The following CHST11 variants were observed in gnomAD, a reference collection of about 807,000 sequenced individuals.
CHST11 encodes C4S-1.
In CHST11, 9 loss-of-function variants were observed where a neutral mutation model predicts 30.4. That is an observed-to-expected ratio of 0.30 (90% CI 0.18 to 0.52). The LOEUF is 0.52. Among genes scored for constraint, CHST11 ranks in the 20% least tolerant of loss-of-function variants. The probability of loss-of-function intolerance (pLI) is 0.97; values close to 1 mark genes in which losing one functional copy is unlikely to be tolerated. For synonymous variants in CHST11, 152 were observed against 187.8 expected (o/e 0.81, Z 1.56); for missense variants, 348 against 460.6 (o/e 0.76, Z 2.24).
At chr12:104,640,840 G>T (rs1471640700) in intron 2 of CHST11, among the ~76,000 whole-genome samples, 1 of 152,138 alleles carries the variant, frequency 6.6e-6, no homozygotes, top group African/African-American at 2.4e-5. Flanking sequence ...AAGAGGGTTG[G>T]TCCCCAGCGA....
At chr12:104,536,236 CT>C (rs1346882880) in intron 1 of CHST11, among the ~76,000 whole-genome samples, 6 of 152,158 alleles carry the variant, frequency 3.9e-5, no homozygotes, top group African/African-American at 1.2e-4. Flanking sequence ...TGCTCAAACC[CT>C]TTCAAGACAA....
At chr12:104,483,243 T>C (rs958205026) in intron 1 of CHST11, among the ~76,000 whole-genome samples, 1 of 152,148 alleles carries the variant, frequency 6.6e-6, no homozygotes, top group Admixed American at 6.5e-5. Flanking sequence ...TCTTGCTCTG[T>C]CGCCCAGACT....
chr12:104,547,320 A>T lies in CHST11; in HGVS notation c.119-54586A>T, dbSNP rs113879018. Among the ~76,000 whole-genome samples the T allele has an allele frequency of 3.6e-3, 555 of 152,282 alleles. 1 individual carries two copies. Among genetic ancestry groups the T allele is most frequent in the Non-Finnish European group, 5.6e-3 (383 of 68,004 alleles). On this transcript the variant is annotated intron_variant, in intron 1 of 2. Coordinates refer to ENST00000303694, the MANE Select transcript of CHST11 (RefSeq NM_018413.6). ...CAAGTCTTCAGGTTTTCAAGTGGGT[A>T]ATTAGAACAGGAAGGAGCCAAACAC...
intron 2 of CHST11, among the ~76,000 whole-genome samples, chr12:104,750,428 CTTTTTTTT>C (rs10659007): frequency 2.3e-4 from 11 of 48,826 alleles, no homozygotes; most frequent in South Asian, 8.8e-4. Context: ...TATTTCTGCA[CTTTTTTTT>C]TTTTTTTTTT....
At chr12:104,692,753 A>G (rs1190080788) in intron 2 of CHST11, among the ~76,000 whole-genome samples, 1 of 152,076 alleles carries the variant, frequency 6.6e-6, no homozygotes, top group African/African-American at 2.4e-5. Flanking sequence ...CACAAACCCT[A>G]TTGTGAATTG....
At chr12:104,748,160 G>A (rs1477633127) in intron 2 of CHST11, among the ~76,000 whole-genome samples, 3 of 152,290 alleles carry the variant, frequency 2.0e-5, no homozygotes, top group East Asian at 1.9e-4. Context: ...TTGGAGGCTG[G>A]GGCTGGGGGT....
chr12:104,647,735 C>T (rs532768707), intron 2 of CHST11, among the ~76,000 whole-genome samples: 1 of 152,272 alleles, frequency 6.6e-6, no homozygotes, highest in African/African-American at 2.4e-5. Flanking sequence ...CTCCTGATTT[C>T]TGTGGGTCAG....
At chr12:104,662,141 T>C (rs2039604125) in intron 2 of CHST11, among the ~76,000 whole-genome samples, 1 of 152,158 alleles carries the variant, frequency 6.6e-6, no homozygotes, top group African/African-American at 2.4e-5. Context: ...AGGATCTCAG[T>C]GTATGTTACT....
intron 1 of CHST11, among the ~76,000 whole-genome samples, chr12:104,555,960 A>G (rs1189634602): frequency 1.3e-5 from 2 of 152,150 alleles, no homozygotes; most frequent in Non-Finnish European, 2.9e-5. Context: ...GAGAGGGATT[A>G]CCATCAGGTG....
intron 2 of CHST11, among the ~76,000 whole-genome samples, chr12:104,689,531 C>G (rs996532167): frequency 1.3e-5 from 2 of 152,216 alleles, no homozygotes; most frequent in African/African-American, 4.8e-5. Flanking sequence ...CATGCACTTA[C>G]TATAATTACG....
chr12:104,535,603 C>G (rs2038229112), intron 1 of CHST11, among the ~76,000 whole-genome samples: 1 of 152,144 alleles, frequency 6.6e-6, no homozygotes, highest in African/African-American at 2.4e-5. Context: ...ATATCTTCTC[C>G]TCTCCCATTG....
At chr12:104,661,363 G>A (rs111944971) in intron 2 of CHST11, among the ~76,000 whole-genome samples, 2,094 of 151,998 alleles carry the variant, frequency 0.014, 52 homozygotes, top group African/African-American at 0.047. Flanking sequence ...GACCAGCCTG[G>A]GCAATATGGT....
At chr12:104,481,690 C>T (rs532558600) in intron 1 of CHST11, among the ~76,000 whole-genome samples, 2 of 152,160 alleles carry the variant, frequency 1.3e-5, no homozygotes, top group Admixed American at 6.5e-5. Flanking sequence ...CTAAATGTCT[C>T]ATCCAAGTGA....
intron 1 of CHST11, among the ~76,000 whole-genome samples, chr12:104,464,756 T>C (rs2037442530): frequency 6.6e-6 from 1 of 152,188 alleles, no homozygotes; most frequent in African/African-American, 2.4e-5. Context: ...GGGAAATTCG[T>C]AATATCTTCA....
intron 1 of CHST11, among the ~76,000 whole-genome samples, chr12:104,587,894 G>T (rs1333589779): frequency 1.9e-5 from 2 of 105,630 alleles, no homozygotes; most frequent in Non-Finnish European, 3.8e-5. Context: ...GGCTGGAGGA[G>T]ATTAGGTTTT....
intron 1 of CHST11, among the ~76,000 whole-genome samples, chr12:104,556,376 G>A (rs1019389432): frequency 3.3e-5 from 5 of 152,050 alleles, no homozygotes; most frequent in Non-Finnish European, 7.3e-5. Context: ...GGCAGGGTGG[G>A]TATATTAGGT....
chr12:104,753,373 C>A (rs1566065966), intron 2 of CHST11, among the ~76,000 whole-genome samples: 1 of 152,218 alleles, frequency 6.6e-6, no homozygotes, highest in Non-Finnish European at 1.5e-5. Context: ...GCATGAAGAG[C>A]ATTACCTGGC....
At chr12:104,687,092 C>T (rs1199475938) in intron 2 of CHST11, among the ~76,000 whole-genome samples, 1 of 152,276 alleles carries the variant, frequency 6.6e-6, no homozygotes, top group Admixed American at 6.5e-5. Flanking sequence ...CACAAACCTA[C>T]AGTTAACACA....
chr12:104,691,471 A>G (rs1338374640), intron 2 of CHST11, among the ~76,000 whole-genome samples: 2 of 150,460 alleles, frequency 1.3e-5, no homozygotes, highest in Non-Finnish European at 2.9e-5. Context: ...GGGGGAAACC[A>G]GGCACATTAG....
Sources: allele counts gnomAD v4.1 joint callset (sites outside exome capture counted in the v4.1 genomes callset), GRCh38; gene constraint gnomAD v4.1.1; transcripts MANE v1.5; gene names NCBI Gene and HGNC (gene_info 2026-07-23, HGNC 2026-07-21).